Variants in CCR3 observed in about 807,000 individuals in gnomAD.
The protein encoded by CCR3 is C-C chemokine receptor type 3.
For missense variants in CCR3, 419 were observed against 437.5 expected (o/e 0.96, Z 0.38); for synonymous variants, 203 against 179.2 (o/e 1.13, Z -1.06).
At chr3:46,238,327 T>C (rs1700043458), upstream of CCR3, among the ~76,000 whole-genome samples, 1 of 152,218 alleles carries the variant, frequency 6.6e-6, no homozygotes, top group African/African-American at 2.4e-5. Flanking sequence ...ATTTTCCTAA[T>C]GACTAACAAT....
intron 2 of CCR3, among the ~76,000 whole-genome samples, chr3:46,231,343 C>T (rs1699964578): frequency 1.3e-5 from 2 of 152,332 alleles, no homozygotes; most frequent in Admixed American, 1.3e-4. Flanking sequence ...ATCCTGATCG[C>T]CACTGCAGTT....
At chr3:46,247,479 A>G (rs1700219752) in intron 1 of CCR3, among the ~76,000 whole-genome samples, 1 of 152,102 alleles carries the variant, frequency 6.6e-6, no homozygotes, top group Non-Finnish European at 1.5e-5. Context: ...TTGGTGGCTG[A>G]GCTTGGTGAG....
upstream of CCR3, among the ~76,000 whole-genome samples, chr3:46,241,831 A>T (rs775106411): frequency 6.6e-6 from 1 of 152,132 alleles, no homozygotes; most frequent in African/African-American, 2.4e-5. Context: ...TTCATTCTTC[A>T]TCCTGTCTCC....
chr3:46,265,186 A>T lies in CCR3; in HGVS notation c.28A>T (p.Thr10Ser), dbSNP rs1372067590. MTTSLDTVETFGTTSYYDDV... is the reference protein window; with the variant it reads MTTSLDTVESFGTTSYYDDV... Reference sequence around the variant, plus strand: ...GACAACCTCACTAGATACAGTTGAGACCTTTGGTACCACATCCTACTATGA... The same window carrying T: ...GACAACCTCACTAGATACAGTTGAGTCCTTTGGTACCACATCCTACTATGA... Residue 10 changes from threonine (T) to serine (S), a missense_variant, in exon 2 of 2, where the codon ACC becomes TCC. Thr to Ser is a moderately conservative substitution (Grantham distance 58, BLOSUM62 1). Coordinates refer to ENST00000395940, the MANE Select transcript of CCR3 (RefSeq NM_178329.3). The T allele has an allele frequency of 6.2e-7, 1 of 1,613,574 alleles. No individual in the cohort carries two copies. The highest frequency in any genetic ancestry group is 1.7e-5 in the Admixed American group (1 of 59,982).
chr3:46,243,002 TACGCACACACAC>T (rs1700121430), intron 1 of CCR3, among the ~76,000 whole-genome samples: 1 of 123,722 alleles, frequency 8.1e-6, no homozygotes, highest in African/African-American at 3.3e-5. Flanking sequence ...TATATATATA[TACGCACACACAC>T]ATACATTTTT....
At chr3:46,244,431 T>C (rs1371965729) in intron 1 of CCR3, among the ~76,000 whole-genome samples, 1 of 152,200 alleles carries the variant, frequency 6.6e-6, no homozygotes, top group African/African-American at 2.4e-5. Context: ...TAAAGCTTTT[T>C]AATCACCTGG....
At chr3:46,212,647 C>T (rs73833003) in intron 2 of CCR3, among the ~76,000 whole-genome samples, 3,123 of 152,240 alleles carry the variant, frequency 0.021, 98 homozygotes, top group African/African-American at 0.07. Flanking sequence ...CTCTCACCTC[C>T]CATTCTACAA....
chr3:46,247,396 T>C (rs1487865926), intron 1 of CCR3, among the ~76,000 whole-genome samples: 1 of 152,182 alleles, frequency 6.6e-6, no homozygotes, highest in African/African-American at 2.4e-5. Context: ...GGGCTGTACC[T>C]TATAGCATTC....
intron 2 of CCR3, among the ~76,000 whole-genome samples, chr3:46,223,821 C>T (rs35431271): frequency 5.9e-5 from 9 of 151,950 alleles, no homozygotes; most frequent in Admixed American, 2.0e-4. Flanking sequence ...AACTTGGCCA[C>T]GGACAGGGTG....
intron 2 of CCR3, among the ~76,000 whole-genome samples, chr3:46,232,333 T>C (rs1331095989): frequency 6.6e-6 from 1 of 152,096 alleles, no homozygotes; most frequent in African/African-American, 2.4e-5. Context: ...AAAGATTTTG[T>C]TGGAAAAGCA....
intron 2 of CCR3, among the ~76,000 whole-genome samples, chr3:46,216,615 T>C (rs78743115): frequency 0.012 from 1,885 of 152,264 alleles, 41 homozygotes; most frequent in African/African-American, 0.042. Flanking sequence ...TTCTCCTTTA[T>C]AGGTAATCTA....
chr3:46,216,592 C>T (rs767140364), intron 2 of CCR3, among the ~76,000 whole-genome samples: 19 of 152,056 alleles, frequency 1.2e-4, no homozygotes, highest in Non-Finnish European at 1.8e-4. Flanking sequence ...AGCTGTGAGG[C>T]GAAAACCTCA....
At chr3:46,257,007 A>G (rs756994389) in intron 1 of CCR3, among the ~76,000 whole-genome samples, 7 of 141,794 alleles carry the variant, frequency 4.9e-5, no homozygotes, top group Non-Finnish European at 6.1e-5. Context: ...ATGTACCTTC[A>G]GGAGTCAAAT....
chr3:46,220,575 C>G (rs945504142), intron 2 of CCR3, among the ~76,000 whole-genome samples: 1 of 152,178 alleles, frequency 6.6e-6, no homozygotes, highest in East Asian at 1.9e-4. Flanking sequence ...CAGCGCAATT[C>G]ACAATTGCAA....
chr3:46,258,300 C>T (rs767606178), intron 1 of CCR3, among the ~76,000 whole-genome samples: 1 of 152,200 alleles, frequency 6.6e-6, no homozygotes, highest in Non-Finnish European at 1.5e-5. Context: ...AGTAATAGTT[C>T]TTCTTAACAC....
chr3:46,222,361 G>T (rs1699847197), intron 2 of CCR3, among the ~76,000 whole-genome samples: 1 of 152,164 alleles, frequency 6.6e-6, no homozygotes, highest in East Asian at 1.9e-4. Flanking sequence ...TACAGGGGCT[G>T]ACAGGCAGCC....
intron 1 of CCR3, among the ~76,000 whole-genome samples, chr3:46,253,953 C>T (rs1246761677): frequency 6.6e-6 from 1 of 151,764 alleles, no homozygotes; most frequent in East Asian, 1.9e-4. Flanking sequence ...ATGTTTCTTA[C>T]TCTGATTTAT....
chr3:46,220,028 G>C (rs1215754947), intron 2 of CCR3, among the ~76,000 whole-genome samples: 1 of 152,182 alleles, frequency 6.6e-6, no homozygotes, highest in East Asian at 1.9e-4. Context: ...CATAGCAAAA[G>C]TAATAATCAG....
rs143742396 is a variant in CCR3 at position 46,230,732 on chromosome 3, C to T, written c.-67-11670C>T. Among the ~76,000 whole-genome samples, 45 of 152,198 alleles carry T rather than the reference C, an allele frequency of 3.0e-4. 3 individuals carry two copies. The highest frequency in any genetic ancestry group is 1.0e-3 in the African/African-American group (42 of 41,538). On this transcript the variant is annotated intron_variant, in intron 2 of 3. Coordinates refer to the CCR3 transcript ENST00000357422. ...CCATCTACCTCCTCGCCCCGTCCTCCGGATCACTGTCCTAGTTCATGAGCC... is the reference window on the plus strand; with the variant it reads ...CCATCTACCTCCTCGCCCCGTCCTCTGGATCACTGTCCTAGTTCATGAGCC...
Sources: gnomAD v4.1 joint callset for allele counts (sites outside exome capture counted in the v4.1 genomes callset) on GRCh38, gnomAD v4.1.1 for gene constraint, MANE v1.5 for transcripts, NCBI Gene and HGNC (gene_info 2026-07-23, HGNC 2026-07-21) for gene names.